Variants in ABTB2 observed in about 807,000 individuals in gnomAD.
The protein encoded by ABTB2 is ankyrin repeat and BTB domain containing 2, also known as ankyrin repeat and BTB/POZ domain-containing protein 2.
ABTB2 carries 56 observed loss-of-function variants against 104.1 expected under a neutral mutation model. That is an observed-to-expected ratio of 0.54 (90% CI 0.43 to 0.67). The LOEUF is 0.67. Among genes scored for constraint, ABTB2 ranks in the 30% least tolerant of loss-of-function variants. The probability of loss-of-function intolerance (pLI) is 0.00; values close to 1 mark genes in which losing one functional copy is unlikely to be tolerated. For synonymous variants in ABTB2, 606 were observed against 608.2 expected (o/e 1.00, Z 0.05); for missense variants, 1,279 against 1,407.7 (o/e 0.91, Z 1.46).
intron 1 of ABTB2, among the ~76,000 whole-genome samples, chr11:34,274,158 C>CAAAAAAAAAAA (rs763755237): frequency 2.0e-5 from 1 of 50,738 alleles, no homozygotes; most frequent in African/African-American, 7.1e-5. Flanking sequence ...GACTCCGTCT[C>CAAAAAAAAAAA]AAAAAAAAAA....
At chr11:34,162,236 C>T (rs989741812) in intron 10 of ABTB2, among the ~76,000 whole-genome samples, 11 of 152,202 alleles carry the variant, frequency 7.2e-5, no homozygotes, top group Admixed American at 5.2e-4. Flanking sequence ...CGTGGAGTCC[C>T]GGGGCTTCAG....
At chr11:34,274,558 T>TACACAC (rs558468578) in intron 1 of ABTB2, among the ~76,000 whole-genome samples, 1,224 of 56,322 alleles carry the variant, frequency 0.022, 12 homozygotes, top group African/African-American at 0.089. Flanking sequence ...TGGATTGGAA[T>TACACAC]ATACACACAC....
chr11:34,172,437 TATAGATAGATAGATAG>T (rs67334558), intron 4 of ABTB2, among the ~76,000 whole-genome samples: 7 of 92,502 alleles, frequency 7.6e-5, no homozygotes, highest in African/African-American at 1.9e-4. Context: ...TGTGTGTGTA[TATAGATAGATAGATAG>T]ATAGATAGAT....
rs1164411778 is a variant in ABTB2, at chr11:34,152,916, G to A, written c.2881-332C>T. On this transcript the variant is annotated intron_variant, in intron 16 of 16. Coordinates refer to ENST00000435224, the MANE Select transcript of ABTB2 (RefSeq NM_145804.3). The stretch of plus-strand genomic sequence containing the variant: ...AGCACCAGGCCTGGCATGTGACTGT[G>A]CACATGGTAAATGCTGGATAAAGAT... 2.6e-5 allele frequency among the ~76,000 whole-genome samples: 4 copies of A among 152,306 alleles called. No homozygotes were observed. The South Asian group carries it at 8.3e-4, about 32-fold the overall frequency.
intron 1 of ABTB2, among the ~76,000 whole-genome samples, chr11:34,276,869 A>T (rs1176896727): frequency 6.6e-6 from 1 of 152,216 alleles, no homozygotes; most frequent in African/African-American, 2.4e-5. Context: ...ATCCCTTAGC[A>T]GAACAGTAGG....
At chr11:34,185,836 C>T (rs1293347351) in intron 3 of ABTB2, among the ~76,000 whole-genome samples, 1 of 152,152 alleles carries the variant, frequency 6.6e-6, no homozygotes, top group Non-Finnish European at 1.5e-5. Flanking sequence ...AAAGTTACCA[C>T]CATAAAGCAC....
In ABTB2 at chr11:34,229,467, T is replaced by C. The variant is rs377638584; in HGVS notation, c.884-24777A>G. On this transcript the variant is annotated intron_variant, in intron 1 of 16. Coordinates refer to ENST00000435224, the MANE Select transcript of ABTB2 (RefSeq NM_145804.3). ...CTGCACTCCAGCCTGGGTGACAGAG[T>C]GAGACTCCATCTCAAAAAAAAAAAA... 4.7e-3 allele frequency among the ~76,000 whole-genome samples: 675 copies of C among 143,926 alleles called. 6 individuals carry two copies. Among genetic ancestry groups the C allele is most frequent in the African/African-American group, 0.016 (636 of 38,798 alleles). The allele number at this position is 143,926 out of a possible 152,430, so 94.4% of individuals were successfully genotyped here.
intron 1 of ABTB2, among the ~76,000 whole-genome samples, chr11:34,235,381 G>A (rs138760700): frequency 8.5e-5 from 13 of 152,256 alleles, no homozygotes; most frequent in East Asian, 1.9e-4. Flanking sequence ...TCTGTAAAGC[G>A]GATATGGTTT....
chr11:34,233,621 A>G (rs1318918613), intron 1 of ABTB2, among the ~76,000 whole-genome samples: 1 of 150,576 alleles, frequency 6.6e-6, no homozygotes, highest in Non-Finnish European at 1.5e-5. Flanking sequence ...AAGTGCTGGG[A>G]TTATAGGCAT....
chr11:34,347,965 A>G (rs768373831), intron 1 of ABTB2, among the ~76,000 whole-genome samples: 1 of 152,200 alleles, frequency 6.6e-6, no homozygotes, highest in Non-Finnish European at 1.5e-5. Flanking sequence ...GCAAGAGTCG[A>G]TCCAATGGCC....
intron 1 of ABTB2, among the ~76,000 whole-genome samples, chr11:34,283,675 T>TA (rs1456995489): frequency 5.9e-5 from 9 of 152,200 alleles, no homozygotes; most frequent in African/African-American, 1.7e-4. Flanking sequence ...TATAACTAAA[T>TA]GCCAGCCAGC....
chr11:34,220,576 G>C (rs760350467), intron 1 of ABTB2, among the ~76,000 whole-genome samples: 3 of 152,234 alleles, frequency 2.0e-5, no homozygotes, highest in Non-Finnish European at 2.9e-5. Flanking sequence ...TACGGCTGAA[G>C]CTGTTCTCAG....
intron 1 of ABTB2, among the ~76,000 whole-genome samples, chr11:34,209,222 T>C (rs1853445573): frequency 6.6e-6 from 1 of 151,966 alleles, no homozygotes; most frequent in Non-Finnish European, 1.5e-5. Flanking sequence ...GGTGCACACC[T>C]GTAATCCCAG....
Position 34,152,364 on chromosome 11 carries a change from C to A in ABTB2, c.*23G>T. 1 of 1,545,834 alleles carries A rather than the reference C, an allele frequency of 6.5e-7. No homozygotes were observed. Among genetic ancestry groups the A allele is most frequent in the Non-Finnish European group, 8.7e-7 (1 of 1,145,406 alleles). ...CCCTGGCACCTCCACAGGCCCTGGC[C>A]TCGGCAGCCTCCGCCCCCTGCCTCA... On this transcript the variant is annotated 3_prime_UTR_variant, in exon 17 of 17. Coordinates refer to ENST00000435224, the MANE Select transcript of ABTB2 (RefSeq NM_145804.3).
In ABTB2 at chr11:34,280,923, C is replaced by T. The variant is rs1000045925; in HGVS notation, c.883+75778G>A. 5.3e-5 allele frequency among the ~76,000 whole-genome samples: 8 copies of T among 152,086 alleles called. No individual in the cohort carries two copies. In the East Asian group the frequency reaches 9.6e-4, roughly 18 times the overall value. Reference sequence around the variant, plus strand: ...TTCCTAAGATACACATATAACTACCCGCAATATAATGAAGAAAATGGGAAG... The same window carrying T: ...TTCCTAAGATACACATATAACTACCTGCAATATAATGAAGAAAATGGGAAG... On this transcript the variant is annotated intron_variant, in intron 1 of 16. Transcript: ENST00000435224.
intron 1 of ABTB2, among the ~76,000 whole-genome samples, chr11:34,292,662 C>T (rs948937804): frequency 6.6e-6 from 1 of 152,134 alleles, no homozygotes; most frequent in African/African-American, 2.4e-5. Context: ...TGGCAGATAG[C>T]AGTTGTTGAT....
chr11:34,318,848 T>C (rs1854969685), intron 1 of ABTB2, among the ~76,000 whole-genome samples: 1 of 152,196 alleles, frequency 6.6e-6, no homozygotes, highest in African/African-American at 2.4e-5. Context: ...GTCTAAGTAA[T>C]CTATAAACCC....
chr11:34,210,959 A>C (rs1853473936), intron 1 of ABTB2, among the ~76,000 whole-genome samples: 1 of 152,164 alleles, frequency 6.6e-6, no homozygotes, highest in African/African-American at 2.4e-5. Flanking sequence ...TTTTATTTTT[A>C]AGTGTTTCCA....
At chr11:34,307,526 C>T (rs1854792250) in intron 1 of ABTB2, among the ~76,000 whole-genome samples, 1 of 152,228 alleles carries the variant, frequency 6.6e-6, no homozygotes, top group Non-Finnish European at 1.5e-5. Flanking sequence ...AGAGTTTGAG[C>T]AGTCAACAGA....
Sources: gnomAD v4.1 joint callset for allele counts (sites outside exome capture counted in the v4.1 genomes callset) on GRCh38, gnomAD v4.1.1 for gene constraint, MANE v1.5 for transcripts, NCBI Gene and HGNC (gene_info 2026-07-23, HGNC 2026-07-21) for gene names.